The following AUTS2 variants were observed in gnomAD, a reference collection of about 807,000 sequenced individuals.
AUTS2 encodes activator of transcription and developmental regulator AUTS2.
A neutral mutation model predicts 112.4 loss-of-function variants in AUTS2; 17 were observed. That is an observed-to-expected ratio of 0.15 (90% CI 0.10 to 0.23). The LOEUF is 0.23. AUTS2 is among the 10% of genes least tolerant of loss of function. AUTS2 has a pLI of 1.00. For missense variants in AUTS2, 1,510 were observed against 1,701.6 expected, an observed-to-expected ratio of 0.89 and a Z score of 1.98; for synonymous variants, 751 against 702.7, an observed-to-expected ratio of 1.07 and a Z score of -1.09.
chr7:70,673,469 C>T (rs1563118232), intron 5 of AUTS2, among the ~76,000 whole-genome samples: 1 of 151,888 alleles, frequency 6.6e-6, no homozygotes, highest in Non-Finnish European at 1.5e-5. Flanking sequence ...AGGGATCAAG[C>T]GATTCTCATG....
chr7:70,273,586 A>G (rs1787793708), intron 4 of AUTS2, among the ~76,000 whole-genome samples: 1 of 152,144 alleles, frequency 6.6e-6, no homozygotes, highest in Non-Finnish European at 1.5e-5. Flanking sequence ...AAACTCTAAT[A>G]CAAGAATCAA....
chr7:70,083,695 C>A (rs1333709984), intron 2 of AUTS2, among the ~76,000 whole-genome samples: 1 of 151,956 alleles, frequency 6.6e-6, no homozygotes, highest in African/African-American at 2.4e-5. Flanking sequence ...ACCTGTAATC[C>A]CAGCATTTTG....
intron 4 of AUTS2, chr7:70,290,762 C>A: frequency 1.4e-6 from 1 of 726,036 alleles, no homozygotes; most frequent in East Asian, 5.4e-5. Context: ...AACGTTTCTA[C>A]TAATAAATTA....
intron 5 of AUTS2, among the ~76,000 whole-genome samples, chr7:70,503,758 A>G (rs183728964): frequency 2.7e-4 from 41 of 151,110 alleles, no homozygotes; most frequent in African/African-American, 9.2e-4. Context: ...GGATCAAGTG[A>G]TCCTCCCACC....
chr7:69,737,763 T>C (rs1479903178), intron 1 of AUTS2, among the ~76,000 whole-genome samples: 1 of 152,168 alleles, frequency 6.6e-6, no homozygotes, highest in East Asian at 1.9e-4. Context: ...TTGTCATGCA[T>C]AAAAGCCTTG....
rs1325032697 is a variant in AUTS2, at chr7:70,774,191, C to G, written c.1902+92C>G. The G allele has an allele frequency of 7.6e-6, 9 of 1,178,146 alleles. No homozygotes were observed. In the Admixed American group the frequency reaches 1.7e-4, roughly 22 times the overall value. The allele number at this position is 1,178,146 out of a possible 1,614,324, so 73.0% of individuals were successfully genotyped here. A position where few individuals can be genotyped will look rare whatever the true frequency, so the allele number is the denominator to read the frequency against. Reference sequence around the variant, plus strand: ...CCCAGTGCTCGCATCTTCCTTAGCTCCTTTGAGCGAGCTGCTGTTTCAGCT... The same window carrying G: ...CCCAGTGCTCGCATCTTCCTTAGCTGCTTTGAGCGAGCTGCTGTTTCAGCT... On this transcript the variant is annotated intron_variant, in intron 12 of 18. Coordinates refer to ENST00000342771, the MANE Select transcript of AUTS2 (RefSeq NM_015570.4).
At chr7:69,951,876 T>C (rs1438240291) in intron 2 of AUTS2, among the ~76,000 whole-genome samples, 1 of 152,176 alleles carries the variant, frequency 6.6e-6, no homozygotes, top group Non-Finnish European at 1.5e-5. Context: ...GTGTGTTGGG[T>C]CCATTTGAAG....
intron 9 of AUTS2, among the ~76,000 whole-genome samples, chr7:70,767,272 T>G (rs1790004110): frequency 6.6e-6 from 1 of 152,248 alleles, no homozygotes; most frequent in East Asian, 1.9e-4. Context: ...TTAACTTACT[T>G]TTTAAAAATG....
chr7:69,864,076 C>A (rs1367108145), intron 1 of AUTS2, among the ~76,000 whole-genome samples: 1 of 152,156 alleles, frequency 6.6e-6, no homozygotes, highest in Non-Finnish European at 1.5e-5. Context: ...TTAGACATTA[C>A]AATGTTTAAA....
chr7:70,733,148 A>C (rs1485129056), intron 6 of AUTS2, among the ~76,000 whole-genome samples: 4 of 152,208 alleles, frequency 2.6e-5, no homozygotes, highest in Non-Finnish European at 5.9e-5. Flanking sequence ...GAAGTATATA[A>C]AAAAGTTAGG....
chr7:69,875,358 CT>C (rs1214232508), intron 1 of AUTS2, among the ~76,000 whole-genome samples: 2 of 152,106 alleles, frequency 1.3e-5, no homozygotes, highest in South Asian at 2.1e-4. Flanking sequence ...TAACTTTGAT[CT>C]TTTTTTCTTC....
At chr7:70,280,302 C>T (rs1488934628) in intron 4 of AUTS2, among the ~76,000 whole-genome samples, 18 of 141,632 alleles carry the variant, frequency 1.3e-4, no homozygotes, top group Non-Finnish European at 9.1e-5. Flanking sequence ...TTTTTTTTTC[C>T]GAGACAGAGT....
intron 1 of AUTS2, among the ~76,000 whole-genome samples, chr7:69,645,996 CCCT>C (rs1220045465): frequency 6.7e-6 from 1 of 150,356 alleles, no homozygotes; most frequent in African/African-American, 2.4e-5. Flanking sequence ...CTCCTTCTTC[CCCT>C]ACCTCCTTCC....
Position 70,665,408 on chromosome 7 carries a change from C to T in AUTS2, c.691-33161C>T, listed in dbSNP as rs545683054. 8.6e-5 allele frequency among the ~76,000 whole-genome samples: 13 copies of T among 151,980 alleles called. 1 individual carries two copies. Among genetic ancestry groups the T allele is most frequent in the Admixed American group, 7.2e-4 (11 of 15,292 alleles). On this transcript the variant is annotated intron_variant, in intron 5 of 18. Coordinates refer to ENST00000342771, the MANE Select transcript of AUTS2 (RefSeq NM_015570.4). ...TCTCCTGAGTAGCCGAGACTACAGG[C>T]ACACATCACCATGACCAGCTGTTTA...
At chr7:70,273,144 G>C (rs1238723393) in intron 4 of AUTS2, among the ~76,000 whole-genome samples, 1 of 152,006 alleles carries the variant, frequency 6.6e-6, no homozygotes, top group Non-Finnish European at 1.5e-5. Flanking sequence ...CACCTCCTAG[G>C]CTCAAACAAT....
chr7:70,786,909 A>G (rs756539553), intron 17 of AUTS2: 12 of 454,526 alleles, frequency 2.6e-5, no homozygotes, highest in Non-Finnish European at 4.4e-5. Flanking sequence ...TTCTGCATGC[A>G]CCAGATACGT....
At chr7:70,778,101 G>A (rs940348194) in intron 14 of AUTS2, among the ~76,000 whole-genome samples, 8 of 152,140 alleles carry the variant, frequency 5.3e-5, no homozygotes, top group African/African-American at 1.9e-4. Flanking sequence ...TTTCATCATA[G>A]GGATGAACAT....
intron 5 of AUTS2, among the ~76,000 whole-genome samples, chr7:70,475,841 G>C (rs1422631695): frequency 2.0e-5 from 3 of 152,154 alleles, no homozygotes; most frequent in African/African-American, 7.2e-5. Context: ...TTTGAGACCA[G>C]CCTGGGCAAC....
chr7:70,632,683 T>C (rs906439853), intron 5 of AUTS2, among the ~76,000 whole-genome samples: 26 of 152,130 alleles, frequency 1.7e-4, no homozygotes, highest in Non-Finnish European at 3.4e-4. Flanking sequence ...CTGAATCTTA[T>C]TGCCTTTTTA....
Sources: allele counts gnomAD v4.1 joint callset (sites outside exome capture counted in the v4.1 genomes callset), GRCh38; gene constraint gnomAD v4.1.1; transcripts MANE v1.5; gene names NCBI Gene and HGNC (gene_info 2026-07-23, HGNC 2026-07-21).